JAKMIP3: variants seen among roughly 807,000 people sequenced by gnomAD.
JAKMIP3 encodes Janus kinase and microtubule interacting protein 3.
In JAKMIP3, 58 loss-of-function variants were observed where a neutral mutation model predicts 118.5. The observed-to-expected ratio is 0.49, with a 90% CI of 0.40 to 0.61. JAKMIP3 has a LOEUF of 0.61. Among genes scored for constraint, JAKMIP3 ranks in the 20% least tolerant of loss-of-function variants. The pLI is 0.00. For missense variants in JAKMIP3, 950 were observed against 1,109.0 expected (o/e 0.86, Z 2.04); for synonymous variants, 486 against 451.2 (o/e 1.08, Z -0.98).
intron 1 of JAKMIP3, among the ~76,000 whole-genome samples, chr10:132,073,112 A>G (rs1281738253): frequency 6.6e-6 from 1 of 152,204 alleles, no homozygotes; most frequent in African/African-American, 2.4e-5. Flanking sequence ...GTAGTATTCC[A>G]TGTTGTGTGT....
At chr10:132,157,938 C>A (rs2057289959) in intron 19 of JAKMIP3, among the ~76,000 whole-genome samples, 1 of 151,882 alleles carries the variant, frequency 6.6e-6, no homozygotes, top group African/African-American at 2.4e-5. Context: ...GGCATAATTT[C>A]AACTTCGTAC....
At chr10:132,058,540 G>A (rs960369817) in intron 1 of JAKMIP3, among the ~76,000 whole-genome samples, 12 of 152,180 alleles carry the variant, frequency 7.9e-5, no homozygotes, top group Admixed American at 5.2e-4. Flanking sequence ...CCTCCTCCCC[G>A]GAGGCCGCTC....
chr10:132,126,758 T>C (rs2049625722), intron 3 of JAKMIP3, among the ~76,000 whole-genome samples: 2 of 152,136 alleles, frequency 1.3e-5, no homozygotes, highest in South Asian at 4.1e-4. Flanking sequence ...TGTGTTTTTT[T>C]CTTTATTCTG....
rs1025832406 is a variant in JAKMIP3, at chr10:132,168,018, C to T, written c.*88C>T. ...AAAGCAGGGACAAAATGGGACGTCG[C>T]GTCTCCATCCTGAAGACCCAGGGAG... On this transcript the variant is annotated 3_prime_UTR_variant, in exon 23 of 24. Transcript: ENST00000684848. The T allele has an allele frequency of 3.9e-6, 5 of 1,289,574 alleles. No individual in the cohort carries two copies. In the Admixed American group the frequency reaches 9.2e-5, roughly 24 times the overall value. 79.9% of individuals were successfully genotyped at this position (1,289,574 alleles called of 1,614,324 possible). A position where few individuals can be genotyped will look rare whatever the true frequency, so the allele number is the denominator to read the frequency against.
chr10:132,040,557 C>A (rs1023784892), intron 1 of JAKMIP3, among the ~76,000 whole-genome samples: 3 of 151,418 alleles, frequency 2.0e-5, no homozygotes, highest in Non-Finnish European at 4.4e-5. Context: ...TTTTACTATT[C>A]AATTGTTTCT....
chr10:132,159,857 C>CCTGTGTGATGCTGGGGGGCCTCTCG (rs2057811350), intron 19 of JAKMIP3, among the ~76,000 whole-genome samples: 1 of 64,626 alleles, frequency 1.5e-5, no homozygotes, highest in Non-Finnish European at 2.5e-5. Flanking sequence ...GGGGCCTCTC[C>CCTGTGTGATGCTGGGGGGCCTCTCG]CTGTGTGATG....
chr10:132,100,134 TG>T (rs1027988573), intron 1 of JAKMIP3, among the ~76,000 whole-genome samples: 4 of 152,126 alleles, frequency 2.6e-5, no homozygotes, highest in African/African-American at 9.7e-5. Context: ...CTCTGCCCAG[TG>T]GGTGTCCCAC....
intron 2 of JAKMIP3, 115 bp from the exon 3 acceptor site, chr10:132,116,962 T>C (rs1564917279): frequency 8.4e-7 from 1 of 1,194,446 alleles, no homozygotes; most frequent in Non-Finnish European, 1.2e-6. Context: ...TCCCCTTGAA[T>C]ACACATTCAG....
chr10:132,167,471 C>T (rs1365591923), intron 22 of JAKMIP3, among the ~76,000 whole-genome samples: 2 of 152,164 alleles, frequency 1.3e-5, no homozygotes, highest in African/African-American at 2.4e-5. Flanking sequence ...CAAGCTCGGG[C>T]GGTGCTGGAG....
chr10:132,045,235 C>T (rs1230707218), intron 1 of JAKMIP3, among the ~76,000 whole-genome samples: 1 of 152,168 alleles, frequency 6.6e-6, no homozygotes, highest in African/African-American at 2.4e-5. Context: ...GAGCAGGTGG[C>T]TCGCTGCAGC....
chr10:132,051,211 G>A (rs569352776), intron 1 of JAKMIP3, among the ~76,000 whole-genome samples: 195 of 146,852 alleles, frequency 1.3e-3, no homozygotes, highest in Middle Eastern at 7.5e-3. Context: ...TTCCTGGCAC[G>A]GTTGGTCTTG....
chr10:132,052,453 A>G lies in JAKMIP3; in HGVS notation c.-138+15715A>G, dbSNP rs2038128541. ...CAGATTGTTGTCTTTCATCAATTCT[A>G]GAGAATTCTGTCAGTATATCTTCAA... On this transcript the variant is annotated intron_variant, in intron 1 of 23. Coordinates refer to the JAKMIP3 transcript ENST00000657785. Among the ~76,000 whole-genome samples the G allele has an allele frequency of 2.0e-5, 3 of 152,214 alleles. No homozygotes were observed. The South Asian group carries it at 6.2e-4, about 32-fold the overall frequency.
At chr10:132,131,740 C>A (rs368328047) in intron 3 of JAKMIP3, among the ~76,000 whole-genome samples, 1 of 152,006 alleles carries the variant, frequency 6.6e-6, no homozygotes, top group Non-Finnish European at 1.5e-5. Context: ...CAGCTTTGAA[C>A]GTCCCGTGTC....
At position 132,117,693 on chromosome 10, in the gene JAKMIP3, C is replaced by A. The variant is rs545156525; in HGVS notation, c.633+119C>A. The A allele has an allele frequency of 4.3e-6, 5 of 1,150,710 alleles. No homozygotes were observed. The highest frequency in any genetic ancestry group is 1.1e-6 in the Non-Finnish European group (1 of 894,176). The allele number at this position is 1,150,710 out of a possible 1,614,324, so 71.3% of individuals were successfully genotyped here. ...GGCTCGGGGAGCACGCGGGCAGCAC[C>A]GGCTTCACCCCCCATGACATTCTTA... On this transcript the variant is annotated intron_variant, in intron 3 of 23. Coordinates refer to ENST00000684848, the MANE Select transcript of JAKMIP3 (RefSeq NM_001323087.2). This position sits in a 1 kb window ranked among gnomAD's most constrained non-coding sequence, Gnocchi z 8.6.
intron 23 of JAKMIP3, chr10:132,181,621 C>T (rs1037829897): frequency 2.0e-5 from 3 of 152,262 alleles, no homozygotes; most frequent in Non-Finnish European, 2.9e-5. Context: ...TCAACTGTAA[C>T]GCTTAATACG....
At chr10:132,069,352 C>T (rs1392221315) in intron 1 of JAKMIP3, among the ~76,000 whole-genome samples, 1 of 152,132 alleles carries the variant, frequency 6.6e-6, no homozygotes, top group African/African-American at 2.4e-5. Context: ...CCCAGGTCCC[C>T]ACTGACCTGT....
At chr10:132,120,916 G>A (rs1231568521) in intron 3 of JAKMIP3, among the ~76,000 whole-genome samples, 3 of 152,262 alleles carry the variant, frequency 2.0e-5, no homozygotes, top group Admixed American at 2.0e-4. Flanking sequence ...GGGAGAGCCA[G>A]GCAGGTGTGT....
At chr10:132,081,386 A>T (rs566315342) in intron 1 of JAKMIP3, among the ~76,000 whole-genome samples, 1 of 152,192 alleles carries the variant, frequency 6.6e-6, no homozygotes, top group African/African-American at 2.4e-5. Context: ...CTATGGTAGG[A>T]GCAAGCTATA....
rs185292582 is a variant in JAKMIP3 at position 132,166,575 on chromosome 10, C to T, written c.2491-408C>T. Among the ~76,000 whole-genome samples the T allele has an allele frequency of 2.5e-3, 377 of 152,306 alleles. 1 individual carries two copies. Among genetic ancestry groups the T allele is most frequent in the African/African-American group, 8.7e-3 (362 of 41,572 alleles). ...TTTGCTGGGCACTTGGAATGTCTTTCAATACAACGTTCACCATTATTATTA... is the reference window on the plus strand; with the variant it reads ...TTTGCTGGGCACTTGGAATGTCTTTTAATACAACGTTCACCATTATTATTA... On this transcript the variant is annotated intron_variant, in intron 21 of 23. Transcript: ENST00000684848.
Sources: allele counts gnomAD v4.1 joint callset (sites outside exome capture counted in the v4.1 genomes callset), GRCh38; gene constraint gnomAD v4.1.1; non-coding constraint Gnocchi (gnomAD v3.1); transcripts MANE v1.5; gene names NCBI Gene and HGNC (gene_info 2026-07-23, HGNC 2026-07-21).